The following HMCN1 variants were observed in gnomAD, a reference collection of about 807,000 sequenced individuals.
The protein encoded by HMCN1 is hemicentin-1.
A neutral mutation model predicts 625.9 loss-of-function variants in HMCN1; 321 were observed. The ratio of observed to expected loss-of-function variants is 0.51; its 90% CI spans 0.47 to 0.56. The LOEUF (loss-of-function observed/expected upper bound fraction) is 0.56, where lower values mean the gene tolerates loss of function less well. Ranked by LOEUF, HMCN1 falls within the 20% of genes least tolerant of loss-of-function variation. The pLI is 0.00. For synonymous variants in HMCN1, 2,425 were observed against 2,417.6 expected (o/e 1.00, Z -0.09); for missense variants, 6,588 against 6,887.3 (o/e 0.96, Z 1.54).
intron 1 of HMCN1, among the ~76,000 whole-genome samples, chr1:185,816,029 C>T (rs1428385471): frequency 1.3e-5 from 2 of 149,946 alleles, no homozygotes; most frequent in African/African-American, 5.1e-5. Flanking sequence ...AATTCATGGA[C>T]TAAGTTTGAT....
intron 14 of HMCN1, among the ~76,000 whole-genome samples, chr1:185,967,448 G>T (rs984371444): frequency 1.3e-5 from 2 of 152,014 alleles, no homozygotes; most frequent in Non-Finnish European, 2.9e-5. Flanking sequence ...CTATCATTTT[G>T]CTGTCCAAGT....
At chr1:185,775,607 C>A (rs756713900) in intron 1 of HMCN1, among the ~76,000 whole-genome samples, 7 of 152,210 alleles carry the variant, frequency 4.6e-5, no homozygotes, top group Non-Finnish European at 8.8e-5. Context: ...GGATGAAAGC[C>A]AGGTAGGGCA....
At chr1:185,846,578 G>A (rs932291584) in intron 2 of HMCN1, among the ~76,000 whole-genome samples, 8 of 152,296 alleles carry the variant, frequency 5.3e-5, no homozygotes, top group Admixed American at 2.0e-4. Flanking sequence ...TGGTTTAAAT[G>A]TTATTCTGAA....
At chr1:186,104,692 T>C (rs959841182) in intron 69 of HMCN1, among the ~76,000 whole-genome samples, 1 of 152,232 alleles carries the variant, frequency 6.6e-6, no homozygotes, top group African/African-American at 2.4e-5. Context: ...TGCTCAGTGA[T>C]GGAGCTAGGC....
intron 4 of HMCN1, among the ~76,000 whole-genome samples, chr1:185,900,008 G>T (rs546622376): frequency 6.6e-6 from 1 of 151,892 alleles, no homozygotes; most frequent in African/African-American, 2.4e-5. Flanking sequence ...CTATGGGTTG[G>T]ATGCTTTTTT....
intron 35 of HMCN1, 62 bp from the exon 36 acceptor site, chr1:186,022,968 T>C: frequency 6.7e-7 from 1 of 1,497,610 alleles, no homozygotes; most frequent in Non-Finnish European, 9.3e-7. Flanking sequence ...TCTGTCTCAG[T>C]GAATATTTTC....
In HMCN1 at chr1:185,798,727, G is replaced by C. The variant is rs936034608; in HGVS notation, c.269-47299G>C. Among the ~76,000 whole-genome samples, 9 of 149,518 alleles carry C rather than the reference G, an allele frequency of 6.0e-5. No homozygotes were observed. The South Asian group carries it at 1.7e-3, about 28-fold the overall frequency. ...GAATTTTTCATTTCTAGAAGTTCTGGGGTTTTAAATATATCTATCTATCTC... is the reference window on the plus strand; with the variant it reads ...GAATTTTTCATTTCTAGAAGTTCTGCGGTTTTAAATATATCTATCTATCTC... On this transcript the variant is annotated intron_variant, in intron 1 of 106. Transcript: ENST00000271588.
chr1:185,956,424 G>C (rs1293014432), intron 11 of HMCN1, among the ~76,000 whole-genome samples: 6 of 152,146 alleles, frequency 3.9e-5, no homozygotes, highest in Non-Finnish European at 5.9e-5. Flanking sequence ...TAATTTGCTA[G>C]AGTGGCTCAC....
chr1:186,070,320 T>C (rs1231277736), intron 51 of HMCN1, among the ~76,000 whole-genome samples: 1 of 152,224 alleles, frequency 6.6e-6, no homozygotes, highest in African/African-American at 2.4e-5. Flanking sequence ...ATTTTAAGGA[T>C]CATGTTCAGA....
At chr1:186,028,417 A>G (rs1238844025) in intron 36 of HMCN1, among the ~76,000 whole-genome samples, 1 of 152,174 alleles carries the variant, frequency 6.6e-6, no homozygotes, top group Non-Finnish European at 1.5e-5. Context: ...GAAGGGAGCA[A>G]TGGAATTTAT....
intron 105 of HMCN1, among the ~76,000 whole-genome samples, chr1:186,186,994 T>TCTGTCTCACA (rs1188045464): frequency 2.2e-5 from 3 of 134,516 alleles, no homozygotes; most frequent in African/African-American, 8.8e-5. Flanking sequence ...TGTCTCTGTC[T>TCTGTCTCACA]CACACACACA....
Position 186,178,750 on chromosome 1 carries a change from C to A in HMCN1, c.16278C>A (p.Ser5426Arg), listed in dbSNP as rs762854387. 4 of 1,607,794 alleles carry A rather than the reference C, an allele frequency of 2.5e-6. 1 individual carries two copies. The South Asian group carries it at 4.4e-5, about 18-fold the overall frequency. ...CTTGCCCTGAAGGCTCTGAGGCAAG[C>A]CATGACACATGTGTAGGTAAATGTC... is the stretch of plus-strand genomic sequence containing the variant. ...RKTCPEGSEA[S>R]HDTCVDIDEC... Residue 5426 changes from serine (S) to arginine (R), a missense_variant, in exon 104 of 107, where the codon AGC (serine) becomes AGA (arginine). Physicochemically the swap from Ser to Arg is moderately radical, Grantham distance 110 (BLOSUM62 -1). This residue lies in a region of HMCN1 where 1,954 missense variants were observed against 2,013.1 expected (regional missense o/e 0.97). Transcript: ENST00000271588.
intron 68 of HMCN1, among the ~76,000 whole-genome samples, chr1:186,099,283 A>C (rs1460404789): frequency 6.6e-6 from 1 of 152,036 alleles, no homozygotes; most frequent in Non-Finnish European, 1.5e-5. Context: ...AAAGATGCAT[A>C]ATAATTATGT....
At chr1:185,857,725 G>A (rs548875341) in intron 2 of HMCN1, among the ~76,000 whole-genome samples, 4 of 152,060 alleles carry the variant, frequency 2.6e-5, no homozygotes, top group Admixed American at 1.3e-4. Flanking sequence ...AGTGTACCTC[G>A]AATATGTCAA....
rs191993944 is a variant in HMCN1, at chr1:185,943,759, T to G, written c.1828+9935T>G. ...TTATTAACTCAATCTCTAGCTTCAG[T>G]ATTCTACCCAGAGGTGAGGGGATGG... On this transcript the variant is annotated intron_variant, in intron 11 of 106. Coordinates refer to ENST00000271588, the MANE Select transcript of HMCN1 (RefSeq NM_031935.3). Among the ~76,000 whole-genome samples the G allele has an allele frequency of 1.5e-3, 227 of 152,298 alleles. 1 individual carries two copies. The highest frequency in any genetic ancestry group is 5.3e-3 in the African/African-American group (222 of 41,564).
chr1:186,031,968 A>G lies in HMCN1; in HGVS notation c.5750-5966A>G, dbSNP rs187888723. On this transcript the variant is annotated intron_variant, in intron 36 of 106. Transcript: ENST00000271588. ...TCAATATCCACAGGGGATTGATTCT[A>G]GGACCCCACATGGATACCAAGATTT... Among the ~76,000 whole-genome samples the G allele has an allele frequency of 1.4e-3, 214 of 152,132 alleles. 2 individuals carry two copies. The highest frequency in any genetic ancestry group is 4.9e-3 in the African/African-American group (203 of 41,538).
chr1:185,816,554 G>A (rs576741995), intron 1 of HMCN1, among the ~76,000 whole-genome samples: 18 of 152,228 alleles, frequency 1.2e-4, no homozygotes, highest in South Asian at 4.2e-4. Context: ...GATGTATAAC[G>A]TTTTTATGCT....
chr1:185,977,306 G>GTAAATAGTGTTA (rs1260062177), intron 15 of HMCN1, among the ~76,000 whole-genome samples: 1 of 152,130 alleles, frequency 6.6e-6, no homozygotes, highest in Non-Finnish European at 1.5e-5. Flanking sequence ...TAATTTAGGA[G>GTAAATAGTGTTA]TAAATAGTGT....
chr1:186,093,183 G>T lies in HMCN1; in HGVS notation c.9937G>T (p.Asp3313Tyr). Residue 3313 changes from aspartate to tyrosine, a missense_variant, in exon 65 of 107, where the codon GAC (aspartate) becomes TAC (tyrosine). Asp to Tyr is a radical substitution (Grantham distance 160). Coordinates refer to ENST00000271588, the MANE Select transcript of HMCN1 (RefSeq NM_031935.3). ...TLNIYGALTSDTGKYTCVATN... is the reference protein window; with the variant it reads ...TLNIYGALTSYTGKYTCVATN... ...AAACATTTATGGAGCTCTTACATCT[G>T]ACACGGGGAAATACACATGTGTTGC... The T allele has an allele frequency of 6.2e-7, 1 of 1,613,382 alleles. No individual in the cohort carries two copies. Among genetic ancestry groups the T allele is most frequent in the Non-Finnish European group, 8.5e-7 (1 of 1,179,582 alleles).
Sources: gnomAD v4.1 joint callset for allele counts (sites outside exome capture counted in the v4.1 genomes callset) on GRCh38, gnomAD v4.1.1 for gene constraint, gnomAD v4.1.1 regional missense constraint, MANE v1.5 for transcripts, NCBI Gene and HGNC (gene_info 2026-07-23, HGNC 2026-07-21) for gene names.